Variants in ARHGAP15 observed in about 807,000 individuals in gnomAD.
ARHGAP15 encodes rho GTPase-activating protein 15.
A neutral mutation model predicts 63.7 loss-of-function variants in ARHGAP15; 51 were observed. That is an observed-to-expected ratio of 0.80 (90% CI 0.64 to 1.01). The LOEUF is 1.01. ARHGAP15 is among the 50% of genes least tolerant of loss of function. The pLI, the probability that ARHGAP15 is intolerant of heterozygous loss-of-function variation, is 0.00. For missense variants in ARHGAP15, 560 were observed against 564.6 expected (o/e 0.99, Z 0.08); for synonymous variants, 191 against 193.8 (o/e 0.99, Z 0.12).
intron 6 of ARHGAP15, among the ~76,000 whole-genome samples, chr2:143,380,915 CAG>C (rs1687030090): frequency 7.0e-6 from 1 of 142,474 alleles, no homozygotes; most frequent in African/African-American, 2.6e-5. Context: ...GAATACTTAA[CAG>C]AAAGAAACTA....
intron 13 of ARHGAP15, among the ~76,000 whole-genome samples, chr2:143,712,205 C>T (rs1186129835): frequency 6.6e-6 from 1 of 152,134 alleles, no homozygotes; most frequent in South Asian, 2.1e-4. Flanking sequence ...AGAACATGTG[C>T]ACCAAGTACA....
At chr2:143,630,795 A>T (rs1340989574) in intron 12 of ARHGAP15, among the ~76,000 whole-genome samples, 4 of 151,890 alleles carry the variant, frequency 2.6e-5, no homozygotes, top group African/African-American at 9.7e-5. Context: ...TTTATTTTTA[A>T]TTTTTAATAA....
At chr2:143,572,456 C>T (rs1333109190) in intron 11 of ARHGAP15, among the ~76,000 whole-genome samples, 2 of 152,158 alleles carry the variant, frequency 1.3e-5, no homozygotes, top group African/African-American at 2.4e-5. Flanking sequence ...TTATCATCCC[C>T]ATCTCTCAAG....
chr2:143,744,474 T>A (rs1455515576), intron 13 of ARHGAP15, among the ~76,000 whole-genome samples: 1 of 152,208 alleles, frequency 6.6e-6, no homozygotes, highest in Non-Finnish European at 1.5e-5. Flanking sequence ...AACAAGGGAT[T>A]TTTTTAATCC....
chr2:143,340,523 T>TTC (rs925929463), intron 6 of ARHGAP15, among the ~76,000 whole-genome samples: 1 of 75,302 alleles, frequency 1.3e-5, no homozygotes, highest in Non-Finnish European at 3.3e-5. Context: ...GGCAGATTTT[T>TTC]TCTCTTTTTT....
intron 11 of ARHGAP15, among the ~76,000 whole-genome samples, chr2:143,585,293 A>G (rs1213811937): frequency 6.6e-6 from 1 of 152,218 alleles, no homozygotes; most frequent in African/African-American, 2.4e-5. Context: ...AAGAATATTT[A>G]CAAACTATAT....
intron 5 of ARHGAP15, among the ~76,000 whole-genome samples, chr2:143,234,411 A>G (rs1245519082): frequency 1.3e-5 from 2 of 152,098 alleles, no homozygotes; most frequent in African/African-American, 4.8e-5. Context: ...TTATTGAAAT[A>G]TTATCATGGG....
chr2:143,764,919 C>T (rs1373626239), intron 13 of ARHGAP15, among the ~76,000 whole-genome samples: 1 of 152,148 alleles, frequency 6.6e-6, no homozygotes, highest in Non-Finnish European at 1.5e-5. Flanking sequence ...CACCTTTGTA[C>T]CTTCAATACA....
At chr2:143,321,781 C>T (rs768206149) in intron 6 of ARHGAP15, among the ~76,000 whole-genome samples, 18 of 152,228 alleles carry the variant, frequency 1.2e-4, no homozygotes, top group African/African-American at 3.9e-4. Context: ...TCTGCACCCT[C>T]AATCTTCTGG....
chr2:143,472,921 C>A (rs187719250), intron 8 of ARHGAP15, among the ~76,000 whole-genome samples: 2 of 152,160 alleles, frequency 1.3e-5, no homozygotes, highest in Non-Finnish European at 2.9e-5. Flanking sequence ...TCTTAATGCG[C>A]AAGCCTGTGT....
At chr2:143,476,751 A>G (rs1263578946) in intron 8 of ARHGAP15, among the ~76,000 whole-genome samples, 2 of 152,248 alleles carry the variant, frequency 1.3e-5, no homozygotes, top group African/African-American at 4.8e-5. Context: ...AATATTTTGC[A>G]AACACATAGC....
At chr2:143,335,521 A>G (rs530521941) in intron 6 of ARHGAP15, among the ~76,000 whole-genome samples, 1 of 152,162 alleles carries the variant, frequency 6.6e-6, no homozygotes, top group Non-Finnish European at 1.5e-5. Flanking sequence ...GCTTTGGGGA[A>G]TTTCATAAGG....
chr2:143,752,977 AC>A (rs1383633264), intron 13 of ARHGAP15, among the ~76,000 whole-genome samples: 1 of 152,056 alleles, frequency 6.6e-6, no homozygotes, highest in African/African-American at 2.4e-5. Context: ...TCTCTACAAA[AC>A]AAAAAAATTT....
At chr2:143,197,144 G>A (rs1691913213) in intron 2 of ARHGAP15, among the ~76,000 whole-genome samples, 1 of 151,802 alleles carries the variant, frequency 6.6e-6, no homozygotes, top group Non-Finnish European at 1.5e-5. Flanking sequence ...TTAAACTACT[G>A]TTTAAAATGA....
At chr2:143,301,201 T>C (rs1315568262) in intron 6 of ARHGAP15, among the ~76,000 whole-genome samples, 1 of 152,008 alleles carries the variant, frequency 6.6e-6, no homozygotes, top group Non-Finnish European at 1.5e-5. Context: ...ATATTTGCAT[T>C]CCTTTTCACT....
intron 6 of ARHGAP15, among the ~76,000 whole-genome samples, chr2:143,275,005 T>TAAA (rs35572753): frequency 1.4e-5 from 2 of 145,064 alleles, no homozygotes; most frequent in South Asian, 2.2e-4. Flanking sequence ...TACTAAAAAT[T>TAAA]AAAAAAAAAA....
At chr2:143,246,536 C>A (rs770366090) in intron 5 of ARHGAP15, among the ~76,000 whole-genome samples, 20 of 151,668 alleles carry the variant, frequency 1.3e-4, no homozygotes, top group Non-Finnish European at 4.4e-5. Flanking sequence ...AGTCAAAGGC[C>A]CAGCTGAAGA....
At position 143,662,786 on chromosome 2, in the gene ARHGAP15, G is replaced by A. The variant is rs1213440248; in HGVS notation, c.1138+38519G>A. On this transcript the variant is annotated intron_variant, in intron 12 of 13. Transcript: ENST00000295095. ...GAAGAATGCAGAAGCCTCAGGAGCC[G>A]ATGCGATCAACTGGAAGAAAGGGTA... Among the ~76,000 whole-genome samples the A allele has an allele frequency of 2.1e-4, 23 of 108,072 alleles. 1 individual carries two copies. The highest frequency in any genetic ancestry group is 3.0e-4 in the African/African-American group (9 of 30,078). The allele number at this position is 108,072 out of a possible 152,430, so 70.9% of individuals were successfully genotyped here. A position where few individuals can be genotyped will look rare whatever the true frequency, so the allele number is the denominator to read the frequency against.
intron 8 of ARHGAP15, among the ~76,000 whole-genome samples, chr2:143,464,315 A>T (rs1691101111): frequency 6.6e-6 from 1 of 152,152 alleles, no homozygotes; most frequent in African/African-American, 2.4e-5. Context: ...TTTAATAGTG[A>T]CCTAGTAAAG....
Sources: allele counts gnomAD v4.1 joint callset (sites outside exome capture counted in the v4.1 genomes callset), GRCh38; gene constraint gnomAD v4.1.1; transcripts MANE v1.5; gene names NCBI Gene and HGNC (gene_info 2026-07-23, HGNC 2026-07-21).